FABP6: variants seen among roughly 807,000 people sequenced by gnomAD.
FABP6 encodes the protein gastrotropin.
Under a neutral mutation model 14.9 loss-of-function variants are expected in FABP6, and 13 were observed. The observed-to-expected ratio is 0.87, with a 90% CI of 0.57 to 1.39. The LOEUF is 1.39. FABP6 is among the 40% of genes most tolerant of loss of function. FABP6 has a pLI of 0.00. For missense variants in FABP6, 161 were observed against 167.2 expected (o/e 0.96, Z 0.20); for synonymous variants, 75 against 63.6 (o/e 1.18, Z -0.85).
At chr5:160,192,262 A>C (rs1759409030) in intron 1 of FABP6, among the ~76,000 whole-genome samples, 1 of 152,178 alleles carries the variant, frequency 6.6e-6, no homozygotes, top group Non-Finnish European at 1.5e-5. Context: ...CCTGGGCTCA[A>C]GCAATCCTCC....
intron 1 of FABP6, among the ~76,000 whole-genome samples, chr5:160,191,455 G>A (rs1352916374): frequency 5.4e-5 from 5 of 92,784 alleles, no homozygotes; most frequent in African/African-American, 2.3e-4. Flanking sequence ...CAACAAGAGT[G>A]AAACTCCATC....
intron 1 of FABP6, among the ~76,000 whole-genome samples, chr5:160,192,347 C>T (rs1237895872): frequency 2.6e-5 from 4 of 152,202 alleles, no homozygotes; most frequent in Non-Finnish European, 5.9e-5. Flanking sequence ...TATCCCTCAC[C>T]CTGTGTTCTC....
upstream of FABP6, among the ~76,000 whole-genome samples, chr5:160,226,911 T>C (rs1270461802): frequency 6.6e-6 from 1 of 152,242 alleles, no homozygotes; most frequent in East Asian, 1.9e-4. Context: ...TTTTAAATAC[T>C]ACAATCCTTT....
chr5:160,235,491 G>C (rs1192176169), intron 3 of FABP6, among the ~76,000 whole-genome samples: 62 of 152,316 alleles, frequency 4.1e-4, no homozygotes, highest in Non-Finnish European at 5.9e-5. Context: ...TCCTACACTG[G>C]AGGTGGTGCC....
chr5:160,202,225 AAGG>A (rs1191939303), intron 2 of FABP6, among the ~76,000 whole-genome samples: 37 of 152,316 alleles, frequency 2.4e-4, no homozygotes, highest in African/African-American at 8.2e-4. Flanking sequence ...AAGTGCCATG[AAGG>A]AGAAGTGGCA....
intron 2 of FABP6, among the ~76,000 whole-genome samples, chr5:160,202,166 A>G (rs894836406): frequency 2.0e-5 from 3 of 152,042 alleles, no homozygotes; most frequent in Non-Finnish European, 2.9e-5. Context: ...TACAGGGGAG[A>G]TGGATATTGA....
At chr5:160,226,696 G>C (rs900288397), upstream of FABP6, among the ~76,000 whole-genome samples, 1 of 152,056 alleles carries the variant, frequency 6.6e-6, no homozygotes, top group African/African-American at 2.4e-5. Context: ...GATTAAATAA[G>C]ATCATTCATG....
chr5:160,195,377 G>A (rs540794990), intron 1 of FABP6, among the ~76,000 whole-genome samples: 18 of 150,650 alleles, frequency 1.2e-4, no homozygotes, highest in Non-Finnish European at 1.8e-4. Context: ...GTCACAGCCC[G>A]TTCTTAGTGT....
intron 2 of FABP6, among the ~76,000 whole-genome samples, chr5:160,203,673 A>C (rs2113083500): frequency 6.7e-6 from 1 of 150,016 alleles, no homozygotes; most frequent in African/African-American, 2.5e-5. Flanking sequence ...CCACCCAATT[A>C]TTTTGAACCA....
chr5:160,212,114 A>G (rs1405557833), intron 2 of FABP6, among the ~76,000 whole-genome samples: 1 of 150,990 alleles, frequency 6.6e-6, no homozygotes, highest in Admixed American at 6.7e-5. Flanking sequence ...CAGCTTCCTG[A>G]GTAGCTGGGA....
At position 160,224,479 on chromosome 5, in the gene FABP6, G is replaced by C. The variant is rs112389339; in HGVS notation, c.136-5067G>C. Among the ~76,000 whole-genome samples, 1,128 of 152,264 alleles carry C rather than the reference G, an allele frequency of 7.4e-3. 14 individuals carry two copies. Among genetic ancestry groups the C allele is most frequent in the African/African-American group, 0.026 (1,064 of 41,544 alleles). ...CTGAAAATGTCTTCTAGGTGTTCAA[G>C]TGAAAGGAGGAGTAGCACATCTTTC... is the stretch of plus-strand genomic sequence containing the variant. On this transcript the variant is annotated intron_variant, in intron 3 of 6. Coordinates refer to the FABP6 transcript ENST00000393980.
chr5:160,216,502 G>A (rs541678665), intron 3 of FABP6, among the ~76,000 whole-genome samples: 10 of 151,734 alleles, frequency 6.6e-5, no homozygotes, highest in East Asian at 1.9e-4. Context: ...TCCTGACCTC[G>A]GATGATCCAC....
In FABP6 at chr5:160,231,433, G is replaced by T. The variant is rs150653745; in HGVS notation, c.68-665G>T. Among the ~76,000 whole-genome samples the T allele has an allele frequency of 6.6e-5, 10 of 152,308 alleles. No individual in the cohort carries two copies. In the East Asian group the frequency reaches 1.9e-3, roughly 29 times the overall value. The stretch of plus-strand genomic sequence containing the variant: ...GGAGGGGACGGAGTCCTGCTCTGTA[G>T]CCCAGGCGGAACTGCAGTGGCGCGA... On this transcript the variant is annotated intron_variant, in intron 1 of 3. Coordinates refer to ENST00000402432, the MANE Select transcript of FABP6 (RefSeq NM_001445.3).
At chr5:160,213,585 A>G in intron 2 of FABP6, 1 of 670,476 alleles carries the variant, frequency 1.5e-6, no homozygotes, top group South Asian at 1.7e-5. Flanking sequence ...TATCCTTTTG[A>G]TAAATTTCTT....
At chr5:160,212,901 G>C (rs1166161574) in intron 2 of FABP6, among the ~76,000 whole-genome samples, 1 of 152,194 alleles carries the variant, frequency 6.6e-6, no homozygotes, top group Non-Finnish European at 1.5e-5. Context: ...ACAGGTGTGA[G>C]CCACTACGTC....
At chr5:160,209,739 G>T (rs1386924817) in intron 2 of FABP6, among the ~76,000 whole-genome samples, 2 of 151,828 alleles carry the variant, frequency 1.3e-5, no homozygotes, top group African/African-American at 4.8e-5. Context: ...TTTTAGAGAC[G>T]GGGGTCTCAC....
intron 2 of FABP6, among the ~76,000 whole-genome samples, chr5:160,211,325 C>T (rs761797501): frequency 1.1e-4 from 16 of 152,266 alleles, no homozygotes; most frequent in Non-Finnish European, 2.1e-4. Context: ...GAATACATGT[C>T]CTCGGCTGAG....
intron 1 of FABP6, among the ~76,000 whole-genome samples, chr5:160,194,688 C>A (rs1489591544): frequency 1.3e-5 from 2 of 152,178 alleles, no homozygotes; most frequent in Admixed American, 1.3e-4. Context: ...TTTGTTCATT[C>A]TTTTGATTCC....
intron 3 of FABP6, among the ~76,000 whole-genome samples, chr5:160,238,043 T>G (rs1040690577): frequency 2.0e-5 from 3 of 152,034 alleles, no homozygotes; most frequent in South Asian, 2.1e-4. Context: ...CACGTGCACA[T>G]CCAATGGCAG....
Sources: allele counts gnomAD v4.1 joint callset (sites outside exome capture counted in the v4.1 genomes callset), GRCh38; gene constraint gnomAD v4.1.1; transcripts MANE v1.5; gene names NCBI Gene and HGNC (gene_info 2026-07-23, HGNC 2026-07-21).